Variants in POLH observed in about 807,000 individuals in gnomAD.
The protein encoded by POLH is DNA polymerase eta, also known as DNA polymerase eta transcript.
In POLH, 53 loss-of-function variants were observed where a neutral mutation model predicts 73.6. That is an observed-to-expected ratio of 0.72 (90% CI 0.58 to 0.91). The LOEUF (loss-of-function observed/expected upper bound fraction) is 0.91, where lower values mean the gene tolerates loss of function less well. POLH is among the 40% of genes least tolerant of loss of function. The pLI is 0.00. For missense variants in POLH, 768 were observed against 865.4 expected (o/e 0.89, Z 1.41); for synonymous variants, 292 against 308.5 (o/e 0.95, Z 0.56).
rs140971385 is a variant in POLH at position 43,614,443 on chromosome 6, C to T, written c.2028C>T (p.Ala676=). 504 of 1,614,144 alleles carry T rather than the reference C, an allele frequency of 3.1e-4. 3 individuals carry two copies. The East Asian group carries it at 4.8e-3, about 15-fold the overall frequency. Residue 676 remains alanine (A), a synonymous_variant, in exon 11 of 11, where the codon GCC becomes GCT. Transcript: ENST00000372236. ...PHSSNPQVVS[A]VSHQGKRNPK... is the part of the protein sequence containing the mutation. ...CTTCAAACCCCCAGGTTGTTTCTGC[C>T]GTATCTCATCAAGGCAAAAGAAATC... is the stretch of plus-strand genomic sequence containing the variant.
At chr6:43,579,776 G>C (rs1023550087) in intron 1 of POLH, among the ~76,000 whole-genome samples, 1 of 152,164 alleles carries the variant, frequency 6.6e-6, no homozygotes, top group Middle Eastern at 3.2e-3. Context: ...TGTCAGACTC[G>C]AATTGGAGGA....
chr6:43,592,333 CTT>C (rs1765546751), intron 4 of POLH, among the ~76,000 whole-genome samples: 1 of 151,784 alleles, frequency 6.6e-6, no homozygotes, highest in Non-Finnish European at 1.5e-5. Context: ...TTTCCATCAA[CTT>C]TTCCATCTTG....
rs143062163 is a variant in POLH at position 43,587,501 on chromosome 6, G to A, written c.490+12G>A. 52 of 1,559,320 alleles carry A rather than the reference G, an allele frequency of 3.3e-5. No homozygotes were observed. In the African/African-American group the frequency reaches 5.7e-4, roughly 17 times the overall value. On this transcript the variant is annotated intron_variant, in intron 4 of 10. Transcript: ENST00000372236. ...GACTGTTCAGAAAGGTACTTCCATAGCATCATACTGCTTCTGCTTCCTGCC... is the reference window on the plus strand; with the variant it reads ...GACTGTTCAGAAAGGTACTTCCATAACATCATACTGCTTCTGCTTCCTGCC...
In POLH at chr6:43,582,343, G is replaced by A; in HGVS notation, c.24G>A (p.Val8=). 2.5e-6 allele frequency: 4 copies of A among 1,614,148 alleles called. No homozygotes were observed. The highest frequency in any genetic ancestry group is 1.6e-4 in the Middle Eastern group (1 of 6,062). The change falls in exon 2 of 11, where the codon GTG becomes GTA. Residue 8 remains valine (V), a synonymous_variant. Coordinates refer to ENST00000372236, the MANE Select transcript of POLH (RefSeq NM_006502.3). The stretch of plus-strand genomic sequence containing the variant: ...AAATGGCTACTGGACAGGATCGAGT[G>A]GTTGCTCTCGTGGACATGGACTGTT... The part of the protein sequence containing the change: MATGQDR[V]VALVDMDCFF...
rs752080248 is a variant in POLH at position 43,583,017 on chromosome 6, G to GT, written c.149dup (p.Ser51GlufsTer3). On this transcript the variant is annotated frameshift_variant, in exon 3 of 11. Coordinates refer to ENST00000372236, the MANE Select transcript of POLH (RefSeq NM_006502.3). LOFTEE classifies it high-confidence loss of function. ...TTTTTCTAACCTTAGAATAATTGCA[G>GT]TGAGTTATGAAGCTCGTGCATTTGG... 28 of 1,613,326 alleles carry GT rather than the reference G, an allele frequency of 1.7e-5. No individual in the cohort carries two copies. Among genetic ancestry groups the GT allele is most frequent in the Non-Finnish European group, 2.3e-5 (27 of 1,179,454 alleles).
At chr6:43,585,646 T>C (rs1036082294) in intron 3 of POLH, among the ~76,000 whole-genome samples, 46 of 149,822 alleles carry the variant, frequency 3.1e-4, no homozygotes, top group Non-Finnish European at 5.6e-4. Flanking sequence ...TCTTTTTTTT[T>C]TTTTTTTTGT....
chr6:43,614,548 A>G lies in POLH; in HGVS notation c.2133A>G (p.Leu711=), dbSNP rs1768199161. The G allele has an allele frequency of 6.2e-7, 1 of 1,613,558 alleles. No homozygotes were observed. Among genetic ancestry groups the G allele is most frequent in the Non-Finnish European group, 8.5e-7 (1 of 1,179,860 alleles). The change falls in exon 11 of 11, where the codon TTA becomes TTG. Residue 711 remains leucine (L), a synonymous_variant. Coordinates refer to ENST00000372236, the MANE Select transcript of POLH (RefSeq NM_006502.3). ...CATTGGAATCATTTTTTAAGCCATT[A>G]ACACATTAGTGCTGCCCTCAGGCTT... ...MQTLESFFKP[L]TH is the part of the protein sequence containing the mutation.
At chr6:43,582,274 AT>A (rs1169049243) in intron 1 of POLH, 41 bp from the exon 2 acceptor site, 2 of 1,593,290 alleles carry the variant, frequency 1.3e-6, no homozygotes, top group Non-Finnish European at 1.7e-6. Flanking sequence ...GGCATTTTGG[AT>A]TAGGTGTTTT....
At chr6:43,585,443 C>T (rs575219273) in intron 3 of POLH, among the ~76,000 whole-genome samples, 2 of 152,172 alleles carry the variant, frequency 1.3e-5, no homozygotes, top group African/African-American at 4.8e-5. Context: ...CTAATTATGC[C>T]GTGGTCTTTT....
intron 5 of POLH, 89 bp from the exon 6 acceptor site, chr6:43,600,899 C>CTG (rs1022811790): frequency 7.2e-6 from 6 of 833,938 alleles, no homozygotes; most frequent in South Asian, 1.3e-5. Flanking sequence ...CTATTAAGCT[C>CTG]TGTGTGTGTG....
At chr6:43,607,276 G>T (rs568634466) in intron 9 of POLH, among the ~76,000 whole-genome samples, 2 of 152,266 alleles carry the variant, frequency 1.3e-5, no homozygotes, top group Non-Finnish European at 2.9e-5. Context: ...TGTATTTTTA[G>T]TAGAGATAGG....
chr6:43,612,128 T>C (rs1767951988), intron 10 of POLH, among the ~76,000 whole-genome samples: 1 of 152,108 alleles, frequency 6.6e-6, no homozygotes. Context: ...ACTTAATACT[T>C]CCTGATATAT....
intron 4 of POLH, among the ~76,000 whole-genome samples, chr6:43,587,759 T>TG (rs559581276): frequency 1.7e-3 from 266 of 152,286 alleles, no homozygotes; most frequent in Non-Finnish European, 3.0e-3. Context: ...CCTGGCGCGG[T>TG]GATTCACGCT....
intron 9 of POLH, among the ~76,000 whole-genome samples, chr6:43,607,475 G>T (rs1001822046): frequency 6.6e-6 from 1 of 152,262 alleles, no homozygotes. Context: ...ATTAGTGAAT[G>T]GACATTTGAG....
At chr6:43,598,040 C>T (rs1766287772) in intron 5 of POLH, among the ~76,000 whole-genome samples, 175 bp downstream of exon 5, 1 of 151,744 alleles carries the variant, frequency 6.6e-6, no homozygotes, top group African/African-American at 2.4e-5. Context: ...TGTTGAAACC[C>T]AGTCTCTACA....
rs202042123 is a variant in POLH, at chr6:43,603,821, A to G, written c.765-71A>G. ...TTTGGAGAGCTGTTTACAAAGTAGA[A>G]TGTCTTACGTTTGCTGCTAATTAGA... On this transcript the variant is annotated intron_variant, in intron 6 of 10. Coordinates refer to ENST00000372236, the MANE Select transcript of POLH (RefSeq NM_006502.3). The G allele has an allele frequency of 7.3e-4, 1,093 of 1,500,574 alleles. 2 individuals are homozygous for G. Among genetic ancestry groups the G allele is most frequent in the Non-Finnish European group, 9.5e-4 (1,030 of 1,078,984 alleles). The allele number at this position is 1,500,574 out of a possible 1,614,324, so 93.0% of individuals were successfully genotyped here. A position where few individuals can be genotyped will look rare whatever the true frequency, so the allele number is the denominator to read the frequency against.
At chr6:43,600,787 C>T (rs747165635) in intron 5 of POLH, among the ~76,000 whole-genome samples, 8 of 152,122 alleles carry the variant, frequency 5.3e-5, no homozygotes, top group South Asian at 2.1e-4. Flanking sequence ...AATGATATTG[C>T]GTCATGTTTC....
Position 43,616,818 on chromosome 6 carries a change from ATC to A in POLH, c.*2265_*2266del, listed in dbSNP as rs1768380965. On this transcript the variant is annotated 3_prime_UTR_variant, in exon 11 of 11. Coordinates refer to ENST00000372236, the MANE Select transcript of POLH (RefSeq NM_006502.3). ...TACCCTCAGTTCTAACCATTGGCCT[ATC>A]TCTTGCGTTTTGTTCTAATGTAGAA... 6.6e-6 allele frequency among the ~76,000 whole-genome samples: 1 copy of A among 152,204 alleles called. No individual in the cohort carries two copies. Among genetic ancestry groups the A allele is most frequent in the Admixed American group, 6.5e-5 (1 of 15,272 alleles).
In POLH at chr6:43,610,628, C is replaced by T; in HGVS notation, c.1149C>T (p.Arg383=). The T allele has an allele frequency of 6.2e-7, 1 of 1,613,932 alleles. No homozygotes were observed. The highest frequency in any genetic ancestry group is 8.5e-7 in the Non-Finnish European group (1 of 1,179,880). Residue 383 remains arginine, a synonymous_variant, in exon 10 of 11, where the codon CGC becomes CGT. Coordinates refer to ENST00000372236, the MANE Select transcript of POLH (RefSeq NM_006502.3). ...QGDKRLSSLR[R]CCALTRYDAH... is the part of the protein sequence containing the mutation. The stretch of plus-strand genomic sequence containing the variant: ...ACAAACGCCTCAGCAGCCTGCGCCG[C>T]TGCTGTGCCCTTACCCGCTATGATG...
Sources: allele counts gnomAD v4.1 joint callset (sites outside exome capture counted in the v4.1 genomes callset), GRCh38; gene constraint gnomAD v4.1.1; transcripts MANE v1.5; gene names NCBI Gene and HGNC (gene_info 2026-07-23, HGNC 2026-07-21).